The following FAM193A variants were observed in gnomAD, a reference collection of about 807,000 sequenced individuals.
FAM193A encodes the protein family with sequence similarity 193 member A.
A neutral mutation model predicts 126.5 loss-of-function variants in FAM193A; 22 were observed. The observed-to-expected ratio is 0.17, with a 90% CI of 0.12 to 0.25. The LOEUF is 0.25. Ranked by LOEUF, FAM193A falls within the 10% of genes least tolerant of loss-of-function variation. The pLI is 1.00. For missense variants in FAM193A, 1,675 were observed against 1,672.8 expected, an observed-to-expected ratio of 1.00 and a Z score of -0.02; for synonymous variants, 761 against 646.8, an observed-to-expected ratio of 1.18 and a Z score of -2.68.
chr4:2,563,615 G>A (rs187906282), intron 1 of FAM193A, among the ~76,000 whole-genome samples: 45 of 152,230 alleles, frequency 3.0e-4, no homozygotes, highest in Admixed American at 1.4e-3. Context: ...TAGTGTGTGT[G>A]GAACAACAAG....
upstream of FAM193A, among the ~76,000 whole-genome samples, chr4:2,535,571 TC>T (rs1201332197): frequency 1.3e-5 from 2 of 151,944 alleles, no homozygotes; most frequent in Non-Finnish European, 2.9e-5. Flanking sequence ...GCCGGCAGGG[TC>T]CCCCCGTGGC....
At chr4:2,706,291 C>CTTTTTTTTTT (rs59143784) in intron 19 of FAM193A, among the ~76,000 whole-genome samples, 144 of 108,592 alleles carry the variant, frequency 1.3e-3, no homozygotes, top group East Asian at 1.6e-3. Flanking sequence ...TTCTTTCTTT[C>CTTTTTTTTTT]TTTTTTTTTT....
At chr4:2,614,034 A>G (rs1008109592) in intron 2 of FAM193A, among the ~76,000 whole-genome samples, 1 of 152,042 alleles carries the variant, frequency 6.6e-6, no homozygotes, top group East Asian at 1.9e-4. Flanking sequence ...CGGCCTCCCA[A>G]AGTGCTGGGA....
intron 7 of FAM193A, chr4:2,654,631 G>A (rs943595139): frequency 3.3e-5 from 5 of 153,482 alleles, no homozygotes; most frequent in Non-Finnish European, 5.8e-5. Flanking sequence ...CTCTTACACT[G>A]TACACTAAGA....
intron 19 of FAM193A, among the ~76,000 whole-genome samples, chr4:2,715,011 CCAGAA>C (rs1273817408): frequency 6.6e-6 from 1 of 151,566 alleles, no homozygotes; most frequent in African/African-American, 2.4e-5. Context: ...AGATAAGTGA[CCAGAA>C]CAGAACAGAG....
intron 1 of FAM193A, among the ~76,000 whole-genome samples, chr4:2,562,967 C>T (rs1176663550): frequency 1.1e-4 from 16 of 148,590 alleles, no homozygotes; most frequent in Admixed American, 2.0e-4. Context: ...TTTTTTGAGA[C>T]GGAGTCTTGC....
chr4:2,705,479 A>G (rs565764777), intron 19 of FAM193A, among the ~76,000 whole-genome samples: 2 of 150,582 alleles, frequency 1.3e-5, no homozygotes, highest in Non-Finnish European at 3.0e-5. Flanking sequence ...TTTTTCATTT[A>G]TATCCCTAAT....
At chr4:2,705,773 G>C (rs989730903) in intron 19 of FAM193A, among the ~76,000 whole-genome samples, 1 of 150,972 alleles carries the variant, frequency 6.6e-6, no homozygotes, top group Non-Finnish European at 1.5e-5. Flanking sequence ...TTTTTTAGTA[G>C]AAACAGGGTC....
At chr4:2,717,260 G>A (rs1215080222) in intron 20 of FAM193A, among the ~76,000 whole-genome samples, 1 of 152,144 alleles carries the variant, frequency 6.6e-6, no homozygotes, top group Non-Finnish European at 1.5e-5. Flanking sequence ...GATTACAGGT[G>A]TGATTAAGCG....
chr4:2,654,139 G>A (rs1426789311), intron 7 of FAM193A, among the ~76,000 whole-genome samples: 1 of 152,112 alleles, frequency 6.6e-6, no homozygotes, highest in Non-Finnish European at 1.5e-5. Flanking sequence ...TGATTCAAAG[G>A]CTTTAAAATG....
chr4:2,597,778 C>T (rs990559194), intron 2 of FAM193A, among the ~76,000 whole-genome samples: 3 of 152,140 alleles, frequency 2.0e-5, no homozygotes, highest in African/African-American at 4.8e-5. Context: ...AAGATTCACT[C>T]TTTTTTTACT....
At chr4:2,729,391 A>G (rs369668466) in intron 20 of FAM193A, among the ~76,000 whole-genome samples, 4 of 152,142 alleles carry the variant, frequency 2.6e-5, no homozygotes, top group Non-Finnish European at 4.4e-5. Context: ...GGGAGAAGGG[A>G]CGCGAGGCCC....
chr4:2,548,677 G>C (rs1450079821), intron 1 of FAM193A, among the ~76,000 whole-genome samples: 1 of 151,688 alleles, frequency 6.6e-6, no homozygotes, highest in Non-Finnish European at 1.5e-5. Context: ...TGCTGGTCTT[G>C]AACTTCTGAC....
At chr4:2,670,867 C>A (rs948419684) in intron 12 of FAM193A, among the ~76,000 whole-genome samples, 4 of 152,044 alleles carry the variant, frequency 2.6e-5, no homozygotes, top group Admixed American at 2.6e-4. Context: ...CCTTGAGGGT[C>A]CTTTGTTGTC....
At chr4:2,699,039 A>G (rs1450953787) in intron 18 of FAM193A, among the ~76,000 whole-genome samples, 1 of 152,176 alleles carries the variant, frequency 6.6e-6, no homozygotes, top group Non-Finnish European at 1.5e-5. Flanking sequence ...CTGGGACCAC[A>G]GTCGTGCGCC....
intron 2 of FAM193A, chr4:2,608,141 C>T: frequency 1.3e-6 from 2 of 1,589,390 alleles, no homozygotes; most frequent in Non-Finnish European, 1.7e-6. Context: ...TGATCTTAAC[C>T]TGAAAATAAA....
At chr4:2,697,122 A>G (rs1717131453) in intron 18 of FAM193A, among the ~76,000 whole-genome samples, 1 of 152,206 alleles carries the variant, frequency 6.6e-6, no homozygotes. Context: ...GAGGAAAATA[A>G]GTCTTCATGG....
At chr4:2,692,883 AAG>A (rs1716563028) in intron 15 of FAM193A, among the ~76,000 whole-genome samples, 2 of 151,816 alleles carry the variant, frequency 1.3e-5, no homozygotes, top group African/African-American at 4.8e-5. Flanking sequence ...AAGAAAAGAA[AAG>A]AGAGGAGAGA....
At position 2,590,480 on chromosome 4, in the gene FAM193A, AAAAAAC is replaced by A. The variant is rs1560464503; in HGVS notation, c.256-5598_256-5593del. ...CTCCATCTCAAAAAAAAAAAACAAA[AAAAAAC>A]AAAAAAAAACAAAAAAAAACAAAAA... On this transcript the variant is annotated intron_variant, in intron 1 of 20. Transcript: ENST00000637812. Among the ~76,000 whole-genome samples, 7 of 90,306 alleles carry A rather than the reference AAAAAAC, an allele frequency of 7.8e-5. 1 individual carries two copies. The highest frequency in any genetic ancestry group is 5.2e-4 in the East Asian group (2 of 3,872). 59.2% of individuals were successfully genotyped at this position (90,306 alleles called of 152,430 possible).
Sources: gnomAD v4.1 joint callset for allele counts (sites outside exome capture counted in the v4.1 genomes callset) on GRCh38, gnomAD v4.1.1 for gene constraint, MANE v1.5 for transcripts, NCBI Gene and HGNC (gene_info 2026-07-23, HGNC 2026-07-21) for gene names.